SLC5A4: variants seen among roughly 807,000 people sequenced by gnomAD.
SLC5A4 encodes solute carrier family 5 member 4.
Under a neutral mutation model 70.3 loss-of-function variants are expected in SLC5A4, and 55 were observed. The observed-to-expected ratio is 0.78, with a 90% CI of 0.63 to 0.98. SLC5A4 has a LOEUF of 0.98. Ranked by LOEUF, SLC5A4 falls within the 50% of genes least tolerant of loss-of-function variation. SLC5A4 has a pLI of 0.00. For synonymous variants in SLC5A4, 268 were observed against 305.7 expected (o/e 0.88, Z 1.29); for missense variants, 735 against 839.2 (o/e 0.88, Z 1.53).
the SLC5A4 span, among the ~76,000 whole-genome samples, chr22:32,340,842 TCTTGA>T: frequency 3.9e-5 from 6 of 152,056 alleles, no homozygotes; most frequent in African/African-American, 1.4e-4. Context: ...CATCGGCACG[TCTTGA>T]CTTAATGTTT....
the SLC5A4 span, among the ~76,000 whole-genome samples, chr22:32,277,991 C>T: frequency 7.6e-6 from 1 of 131,282 alleles, no homozygotes; most frequent in Admixed American, 8.0e-5. Context: ...GCTGGTTAGG[C>T]AGGGGGAAGG....
At chr22:32,228,968 T>A (rs1925571787) in intron 11 of SLC5A4, among the ~76,000 whole-genome samples, 1 of 152,156 alleles carries the variant, frequency 6.6e-6, no homozygotes, top group Non-Finnish European at 1.5e-5. Flanking sequence ...ATAAGAGCCA[T>A]TCAGAAGCAT....
chr22:32,343,959 G>A, the SLC5A4 span, among the ~76,000 whole-genome samples: 1 of 152,084 alleles, frequency 6.6e-6, no homozygotes, highest in African/African-American at 2.4e-5. Context: ...TTAACCTGTA[G>A]GCTTCGAACA....
chr22:32,236,117 A>G (rs1440738866), intron 7 of SLC5A4, among the ~76,000 whole-genome samples: 2 of 152,238 alleles, frequency 1.3e-5, no homozygotes, highest in Non-Finnish European at 2.9e-5. Flanking sequence ...AGAACAGCAC[A>G]GAAGTTCTGG....
chr22:32,308,811 CATGCACAGCTGGGTGTGTGT>C, the SLC5A4 span, among the ~76,000 whole-genome samples: 1 of 152,158 alleles, frequency 6.6e-6, no homozygotes, highest in Non-Finnish European at 1.5e-5. Flanking sequence ...CATGTGTGTG[CATGCACAGCTGGGTGTGTGT>C]GCACCCATGT....
At chr22:32,251,178 C>CAAAAAAAAAAAAAAA (rs1927131636) in intron 3 of SLC5A4, among the ~76,000 whole-genome samples, 1 of 91,234 alleles carries the variant, frequency 1.1e-5, no homozygotes, top group African/African-American at 4.8e-5. Context: ...AAAAAAAAAC[C>CAAAAAAAAAAAAAAA]AAAGAGGAGA....
At chr22:32,353,614 G>A in the SLC5A4 span, among the ~76,000 whole-genome samples, 3 of 151,408 alleles carry the variant, frequency 2.0e-5, no homozygotes, top group East Asian at 3.9e-4. Flanking sequence ...CTAACCCGCC[G>A]CCGGCAGTGT....
the SLC5A4 span, among the ~76,000 whole-genome samples, chr22:32,330,536 GGGGCTCTGGTGTGTATGTTTT>G: frequency 3.6e-5 from 5 of 137,132 alleles, no homozygotes; most frequent in East Asian, 2.4e-4. Context: ...GTCTGTGTTG[GGGGCTCTGGTGTGTATGTTTT>G]GGGCTCTGTG....
upstream of SLC5A4, among the ~76,000 whole-genome samples, chr22:32,256,335 A>C (rs888072976): frequency 1.7e-4 from 26 of 152,152 alleles, no homozygotes; most frequent in East Asian, 7.7e-4. Context: ...ACAACAACAA[A>C]AAAACAAAAC....
At chr22:32,309,864 C>CCTGCCTTTG in the SLC5A4 span, among the ~76,000 whole-genome samples, 2 of 151,486 alleles carry the variant, frequency 1.3e-5, no homozygotes, top group Admixed American at 1.3e-4. Flanking sequence ...GCACTCTGCA[C>CCTGCCTTTG]CTGCCTTTGC....
At chr22:32,281,295 C>T in the SLC5A4 span, among the ~76,000 whole-genome samples, 1 of 152,168 alleles carries the variant, frequency 6.6e-6, no homozygotes, top group Admixed American at 6.5e-5. Context: ...TCTTTTAAAA[C>T]AGCATGTGCT....
intron 9 of SLC5A4, among the ~76,000 whole-genome samples, chr22:32,232,000 C>T (rs1925791254): frequency 2.0e-5 from 3 of 152,068 alleles, no homozygotes; most frequent in Non-Finnish European, 4.4e-5. Flanking sequence ...CCCACCTCAG[C>T]CTCCCAAGCA....
chr22:32,273,703 A>G, the SLC5A4 span, among the ~76,000 whole-genome samples: 1 of 152,226 alleles, frequency 6.6e-6, no homozygotes, highest in Non-Finnish European at 1.5e-5. Flanking sequence ...AAACCAAACC[A>G]AACCTTATTT....
chr22:32,321,088 C>G, the SLC5A4 span, among the ~76,000 whole-genome samples: 1 of 152,208 alleles, frequency 6.6e-6, no homozygotes, highest in African/African-American at 2.4e-5. Flanking sequence ...GAGTTCAAAA[C>G]CAGCCTGACC....
At chr22:32,269,317 A>T in the SLC5A4 span, 446 of 301,568 alleles carry the variant, frequency 1.5e-3, 3 homozygotes, top group African/African-American at 8.4e-3. The surrounding 1 kb of genome is among the most constrained non-coding windows in gnomAD (Gnocchi z 4.1). Context: ...ATATTAAATC[A>T]CCTGGAGATC....
chr22:32,335,011 A>G, the SLC5A4 span, among the ~76,000 whole-genome samples: 9 of 152,166 alleles, frequency 5.9e-5, no homozygotes, highest in Non-Finnish European at 8.8e-5. Flanking sequence ...CTGGGCAGGG[A>G]GAGAGCGGGG....
the SLC5A4 span, among the ~76,000 whole-genome samples, chr22:32,324,286 T>A: frequency 7.0e-6 from 1 of 143,724 alleles, no homozygotes; most frequent in South Asian, 2.2e-4. Flanking sequence ...TATACACACA[T>A]ATATACGTAT....
At chr22:32,304,081 C>T in the SLC5A4 span, among the ~76,000 whole-genome samples, 1 of 152,092 alleles carries the variant, frequency 6.6e-6, no homozygotes, top group East Asian at 1.9e-4. Flanking sequence ...TTATTTGCTG[C>T]CTGTGTATCT....
intron 9 of SLC5A4, among the ~76,000 whole-genome samples, chr22:32,231,947 C>T (rs1319553274): frequency 6.6e-6 from 1 of 152,010 alleles, no homozygotes; most frequent in Non-Finnish European, 1.5e-5. Flanking sequence ...ATGGTGCAAT[C>T]ATAGTTCACT....
Sources: gnomAD v4.1 joint callset for allele counts (sites outside exome capture counted in the v4.1 genomes callset) on GRCh38, gnomAD v4.1.1 for gene constraint, Gnocchi (gnomAD v3.1) non-coding constraint, MANE v1.5 for transcripts, NCBI Gene and HGNC (gene_info 2026-07-23, HGNC 2026-07-21) for gene names.